MAP7: variants seen among roughly 807,000 people sequenced by gnomAD.
MAP7 encodes ensconsin.
In MAP7, 52 loss-of-function variants were observed where a neutral mutation model predicts 94.8. That is an observed-to-expected ratio of 0.55 (90% CI 0.44 to 0.69). The LOEUF is 0.69. Among genes scored for constraint, MAP7 ranks in the 30% least tolerant of loss-of-function variants. The pLI is 0.00. For synonymous variants in MAP7, 350 were observed against 357.0 expected (o/e 0.98, Z 0.22); for missense variants, 940 against 964.6 (o/e 0.97, Z 0.34).
chr6:136,432,852 T>C (rs959521760), intron 1 of MAP7, among the ~76,000 whole-genome samples: 1 of 152,230 alleles, frequency 6.6e-6, no homozygotes, highest in Non-Finnish European at 1.5e-5. Context: ...AAAAAGCCCA[T>C]AATTCTGTGA....
At chr6:136,362,074 AT>A (rs67051406) in intron 11 of MAP7, among the ~76,000 whole-genome samples, 7,257 of 150,730 alleles carry the variant, frequency 0.048, 348 homozygotes, top group African/African-American at 0.12. Flanking sequence ...ATGATTATGG[AT>A]TTTTTTTTTC....
chr6:136,516,943 C>T (rs1279207961), intron 1 of MAP7, among the ~76,000 whole-genome samples: 1 of 149,166 alleles, frequency 6.7e-6, no homozygotes, highest in Non-Finnish European at 1.5e-5. Context: ...CGCACATGCA[C>T]ACCCCACATC....
intron 1 of MAP7, among the ~76,000 whole-genome samples, chr6:136,475,665 T>A (rs886422192): frequency 6.6e-6 from 1 of 152,232 alleles, no homozygotes; most frequent in Non-Finnish European, 1.5e-5. Context: ...AATTTTATTA[T>A]CAAAAATTAT....
At chr6:136,516,843 G>A (rs952739274) in intron 1 of MAP7, among the ~76,000 whole-genome samples, 1 of 152,046 alleles carries the variant, frequency 6.6e-6, no homozygotes, top group African/African-American at 2.4e-5. Context: ...GGCATCCCCA[G>A]TGTAAGCATC....
intron 1 of MAP7, among the ~76,000 whole-genome samples, chr6:136,518,693 GCCTGGAGCCA>G (rs1397015934): frequency 6.6e-6 from 1 of 152,190 alleles, no homozygotes; most frequent in Non-Finnish European, 1.5e-5. Flanking sequence ...TAGTCAAGGT[GCCTGGAGCCA>G]CCTGGAGAAT....
At chr6:136,382,823 T>C (rs1220135819) in intron 6 of MAP7, among the ~76,000 whole-genome samples, 1 of 152,194 alleles carries the variant, frequency 6.6e-6, no homozygotes, top group Non-Finnish European at 1.5e-5. Context: ...AGTTTCTTAA[T>C]AAAGCACTCA....
chr6:136,454,928 A>G (rs1475255632), intron 1 of MAP7, among the ~76,000 whole-genome samples: 1 of 152,070 alleles, frequency 6.6e-6, no homozygotes, highest in African/African-American at 2.4e-5. Context: ...ATCTCCAGTT[A>G]CCTTTCATCC....
rs80342066 is a variant in MAP7 at position 136,362,690 on chromosome 6, A to G, written c.1286T>C (p.Met429Thr). ...TGGGGCCGAGGCTGGAGCTGGGGCCATGGCTGGAGCAGCTGCACAAATAGG... is the reference window on the plus strand; with the variant it reads ...TGGGGCCGAGGCTGGAGCTGGGGCCGTGGCTGGAGCAGCTGCACAAATAGG... The part of the protein sequence containing the change: ...EPEVGPAAPA[M>T]APAPASAPAP... Residue 429 changes from methionine (M) to threonine (T), a missense_variant, in exon 11 of 18, where the codon ATG (methionine) becomes ACG (threonine). Met to Thr is a moderately conservative substitution (Grantham distance 81). Transcript: ENST00000354570. 9,281 of 1,591,170 alleles carry G rather than the reference A, an allele frequency of 5.8e-3. 173 individuals carry two copies. The highest frequency in any genetic ancestry group is 0.044 in the East Asian group (1,942 of 44,244).
intron 1 of MAP7, among the ~76,000 whole-genome samples, chr6:136,481,661 G>A (rs1290467142): frequency 6.6e-6 from 1 of 152,046 alleles, no homozygotes; most frequent in Admixed American, 6.5e-5. Flanking sequence ...GATGGTTAAC[G>A]GTACAGAAAA....
chr6:136,370,222 T>C (rs1042358053), intron 8 of MAP7, among the ~76,000 whole-genome samples: 24 of 152,164 alleles, frequency 1.6e-4, no homozygotes, highest in African/African-American at 5.8e-4. Flanking sequence ...CTACAAGACA[T>C]CACCTCACAT....
chr6:136,382,862 A>G (rs920699077), intron 6 of MAP7, among the ~76,000 whole-genome samples: 1 of 152,204 alleles, frequency 6.6e-6, no homozygotes, highest in Non-Finnish European at 1.5e-5. Flanking sequence ...ACTTTTAAAG[A>G]GTATGGGCTT....
At chr6:136,464,220 T>C (rs758798294) in intron 1 of MAP7, among the ~76,000 whole-genome samples, 2 of 152,204 alleles carry the variant, frequency 1.3e-5, no homozygotes, top group Non-Finnish European at 2.9e-5. Flanking sequence ...ACAGAAGATA[T>C]TAACATTGCA....
At chr6:136,516,164 AT>A (rs11319446) in intron 1 of MAP7, among the ~76,000 whole-genome samples, 17,460 of 145,434 alleles carry the variant, frequency 0.12, 2,435 homozygotes, top group African/African-American at 0.34. Context: ...GGAAATGACA[AT>A]TTTTTTTTTT....
At chr6:136,407,358 A>G (rs928729180) in intron 3 of MAP7, among the ~76,000 whole-genome samples, 1 of 152,230 alleles carries the variant, frequency 6.6e-6, no homozygotes, top group African/African-American at 2.4e-5. Flanking sequence ...GTGAACTAAA[A>G]CGTGATAGTT....
intron 1 of MAP7, among the ~76,000 whole-genome samples, chr6:136,466,381 A>G (rs1354769002): frequency 6.6e-6 from 1 of 152,094 alleles, no homozygotes; most frequent in Non-Finnish European, 1.5e-5. Flanking sequence ...GGACAGCAGC[A>G]TAATTGTGTA....
intron 4 of MAP7, among the ~76,000 whole-genome samples, chr6:136,388,908 C>CT (rs1779914606): frequency 6.6e-6 from 1 of 152,154 alleles, no homozygotes; most frequent in Non-Finnish European, 1.5e-5. Flanking sequence ...GACCCCATGA[C>CT]TTATTGAGTT....
chr6:136,547,503 G>A (rs1375590583), intron 1 of MAP7, among the ~76,000 whole-genome samples: 2 of 151,966 alleles, frequency 1.3e-5, no homozygotes, highest in Admixed American at 6.6e-5. Context: ...ATCGTAGGTC[G>A]ACTACTCAAA....
At chr6:136,363,917 T>A (rs1793544781) in intron 10 of MAP7, among the ~76,000 whole-genome samples, 1 of 152,240 alleles carries the variant, frequency 6.6e-6, no homozygotes, top group South Asian at 2.1e-4. Flanking sequence ...CACTACATAT[T>A]CTGACTTAGT....
intron 3 of MAP7, among the ~76,000 whole-genome samples, chr6:136,395,034 C>T (rs894772964): frequency 8.7e-5 from 12 of 138,584 alleles, no homozygotes; most frequent in Admixed American, 2.3e-4. Context: ...TCTTGGCTAT[C>T]GTGAATAGTC....
Sources: gnomAD v4.1 joint callset for allele counts (sites outside exome capture counted in the v4.1 genomes callset) on GRCh38, gnomAD v4.1.1 for gene constraint, MANE v1.5 for transcripts, NCBI Gene and HGNC (gene_info 2026-07-23, HGNC 2026-07-21) for gene names.